Variants in SLC26A4 observed in about 807,000 individuals in gnomAD.
SLC26A4 encodes solute carrier family 26 member 4.
SLC26A4 carries 93 observed loss-of-function variants against 90.4 expected under a neutral mutation model. The ratio of observed to expected loss-of-function variants is 1.03; its 90% confidence interval spans 0.87 to 1.22. The LOEUF is 1.22. SLC26A4 is among the 50% of genes most tolerant of loss of function. SLC26A4 has a pLI of 0.00. For synonymous variants in SLC26A4, 393 were observed against 354.6 expected, an observed-to-expected ratio of 1.11 and a Z score of -1.22; for missense variants, 1,127 against 946.2, an observed-to-expected ratio of 1.19 and a Z score of -2.51.
intron 4 of SLC26A4, among the ~76,000 whole-genome samples, chr7:107,672,533 C>A (rs936648215): frequency 1.3e-5 from 2 of 151,786 alleles, no homozygotes; most frequent in Non-Finnish European, 2.9e-5. Flanking sequence ...TGACAGCCTA[C>A]TTTAACATTT....
chr7:107,704,881 T>A (rs1251606269), intron 18 of SLC26A4, among the ~76,000 whole-genome samples: 1 of 152,268 alleles, frequency 6.6e-6, no homozygotes, highest in Admixed American at 6.5e-5. Context: ...TTAGGTTTGA[T>A]AACTTGAAAC....
At chr7:107,666,026 C>G (rs1790700970) in intron 3 of SLC26A4, among the ~76,000 whole-genome samples, 1 of 152,130 alleles carries the variant, frequency 6.6e-6, no homozygotes, top group Non-Finnish European at 1.5e-5. Flanking sequence ...ATTCTGTAGA[C>G]CAGGTATCCA....
rs752363786 is a variant in SLC26A4, at chr7:107,700,167, A to C, written c.1699A>C (p.Lys567Gln). 4 of 1,510,836 alleles carry C rather than the reference A, an allele frequency of 2.6e-6. No homozygotes were observed. Among genetic ancestry groups the C allele is most frequent in the Non-Finnish European group, 3.7e-6 (4 of 1,085,782 alleles). 93.6% of individuals were successfully genotyped at this position (1,510,836 alleles called of 1,614,324 possible). The change falls in exon 15 of 21, where the codon AAG (lysine) becomes CAG (glutamine). Residue 567 changes from lysine (K) to glutamine (Q), a missense_variant. Transcript: ENST00000644269. Reference protein sequence around the residue: ...GNVDGFKKCIKSTVGFDAIRV... With the variant: ...GNVDGFKKCIQSTVGFDAIRV... ...TGTCGATGGTTTTAAAAAATGTATC[A>C]AGTCCACAGTAAGTATTTTATCCCT...
At chr7:107,686,321 CCCTTTCCTACCTGCACTCCCTTT>C in intron 8 of SLC26A4, among the ~76,000 whole-genome samples, 1 of 112,086 alleles carries the variant, frequency 8.9e-6, no homozygotes, top group East Asian at 3.3e-4. Flanking sequence ...TCCCTTCCCT[CCCTTTCCTACCTGCACTCCCTTT>C]CCTCCCCTTC....
chr7:107,694,769 C>T (rs1791691996), intron 12 of SLC26A4, 53 bp downstream of exon 12: 1 of 1,197,030 alleles, frequency 8.4e-7, no homozygotes. Context: ...TTCTTATATG[C>T]TTCCTGCCAT....
Position 107,708,998 on chromosome 7 carries a change from G to C in SLC26A4, c.2090-1056G>C, listed in dbSNP as rs533114974. Among the ~76,000 whole-genome samples, 433 of 152,336 alleles carry C rather than the reference G, an allele frequency of 2.8e-3. 2 individuals carry two copies. The highest frequency in any genetic ancestry group is 9.9e-3 in the African/African-American group (411 of 41,586). On this transcript the variant is annotated intron_variant, in intron 18 of 20. Transcript: ENST00000644269. ...TGAATTCTTTAGCAGCAGAGCCCAA[G>C]ATGGGGATTCTTGCACAAGCGATTT...
intron 12 of SLC26A4, 105 bp from the exon 13 acceptor site, chr7:107,695,828 A>G: frequency 1.3e-6 from 1 of 777,622 alleles, no homozygotes; most frequent in Non-Finnish European, 2.3e-6. Flanking sequence ...AAAAAAAAAA[A>G]TGTAATTTGT....
chr7:107,707,483 C>G (rs756727750), intron 18 of SLC26A4, among the ~76,000 whole-genome samples: 11 of 152,130 alleles, frequency 7.2e-5, no homozygotes, highest in Non-Finnish European at 1.6e-4. Context: ...GAAAAAGTAT[C>G]AGAACAAAAC....
intron 6 of SLC26A4, among the ~76,000 whole-genome samples, chr7:107,677,253 A>G (rs561571214): frequency 6.6e-5 from 10 of 152,218 alleles, no homozygotes; most frequent in Non-Finnish European, 1.0e-4. Flanking sequence ...ACTTCAACAG[A>G]CTTGAGTTGG....
At chr7:107,711,445 G>A (rs537145938) in intron 19 of SLC26A4, among the ~76,000 whole-genome samples, 2 of 152,232 alleles carry the variant, frequency 1.3e-5, no homozygotes, top group Admixed American at 1.3e-4. Flanking sequence ...TACTAGGTTA[G>A]ACTCACTCTT....
chr7:107,702,099 C>A (rs1791910588), intron 17 of SLC26A4, 42 bp downstream of exon 17: 2 of 1,332,864 alleles, frequency 1.5e-6, no homozygotes, highest in Non-Finnish European at 2.2e-6. Flanking sequence ...GGAGCTTTGG[C>A]AATAGTAAAA....
chr7:107,711,572 G>A (rs996386306), intron 19 of SLC26A4, among the ~76,000 whole-genome samples: 1 of 152,200 alleles, frequency 6.6e-6, no homozygotes, highest in Non-Finnish European at 1.5e-5. Flanking sequence ...CTAAAAGTGG[G>A]TTGGACATTC....
chr7:107,665,224 G>A (rs1415161769), intron 3 of SLC26A4, among the ~76,000 whole-genome samples: 1 of 152,182 alleles, frequency 6.6e-6, no homozygotes, highest in Non-Finnish European at 1.5e-5. Context: ...AGCTAGTAAT[G>A]AATGTTGAGC....
intron 3 of SLC26A4, among the ~76,000 whole-genome samples, chr7:107,665,202 G>A (rs1364498506): frequency 6.6e-6 from 1 of 152,126 alleles, no homozygotes; most frequent in African/African-American, 2.4e-5. Context: ...CTTGAAAATA[G>A]ACTATTTCAG....
chr7:107,670,146 G>A (rs1324964034), intron 3 of SLC26A4, among the ~76,000 whole-genome samples: 1 of 138,300 alleles, frequency 7.2e-6, no homozygotes, highest in Non-Finnish European at 1.5e-5. Flanking sequence ...GTCTTGCTCT[G>A]TTGCCCAGGC....
At chr7:107,694,232 T>G (rs1288057456) in intron 10 of SLC26A4, among the ~76,000 whole-genome samples, 171 bp from the exon 11 acceptor site, 1 of 152,218 alleles carries the variant, frequency 6.6e-6, no homozygotes, top group African/African-American at 2.4e-5. Flanking sequence ...TTGTTCAGTT[T>G]TGTGGCTTGA....
intron 9 of SLC26A4, 90 bp downstream of exon 9, chr7:107,689,290 G>A: frequency 7.3e-7 from 1 of 1,376,610 alleles, no homozygotes; most frequent in East Asian, 2.3e-5. Flanking sequence ...AGCTAAAGAA[G>A]GGGTTGGATT....
At chr7:107,689,813 A>G (rs910069584) in intron 9 of SLC26A4, among the ~76,000 whole-genome samples, 2 of 152,342 alleles carry the variant, frequency 1.3e-5, no homozygotes, top group Non-Finnish European at 1.5e-5. Context: ...CAACCACAGA[A>G]AAACACTTTA....
chr7:107,698,506 G>A (rs1256071703), intron 14 of SLC26A4, among the ~76,000 whole-genome samples: 2 of 152,008 alleles, frequency 1.3e-5, no homozygotes, highest in Admixed American at 1.3e-4. Flanking sequence ...TAGTAGAGAT[G>A]GGGTTGCACC....
Sources: allele counts gnomAD v4.1 joint callset (sites outside exome capture counted in the v4.1 genomes callset), GRCh38; gene constraint gnomAD v4.1.1; transcripts MANE v1.5; gene names NCBI Gene and HGNC (gene_info 2026-07-23, HGNC 2026-07-21).